DCDC1: variants seen among roughly 807,000 people sequenced by gnomAD.
DCDC1 encodes the protein doublecortin domain containing 1.
Under a neutral mutation model 178.3 loss-of-function variants are expected in DCDC1, and 200 were observed. The ratio of observed to expected loss-of-function variants is 1.12; its 90% CI spans 1.00 to 1.26. DCDC1 has a LOEUF of 1.26. Among genes scored for constraint, DCDC1 ranks in the 50% most tolerant of loss-of-function variants. The pLI is 0.00. For missense variants in DCDC1, 1,983 were observed against 1,749.2 expected, an observed-to-expected ratio of 1.13 and a Z score of -2.38; for synonymous variants, 690 against 604.8, an observed-to-expected ratio of 1.14 and a Z score of -2.07.
intron 20 of DCDC1, chr11:30,992,571 A>G (rs1951048862): frequency 6.6e-6 from 1 of 152,208 alleles, no homozygotes; most frequent in Non-Finnish European, 1.5e-5. Flanking sequence ...TGCCCCCACA[A>G]CCTGGCTTTC....
chr11:31,173,691 C>T (rs1330392463), intron 9 of DCDC1, among the ~76,000 whole-genome samples: 1 of 151,998 alleles, frequency 6.6e-6, no homozygotes, highest in Non-Finnish European at 1.5e-5. Flanking sequence ...TATGAAATTA[C>T]TACAATCAAT....
At chr11:31,133,458 T>A (rs1449528396) in intron 10 of DCDC1, among the ~76,000 whole-genome samples, 1 of 152,184 alleles carries the variant, frequency 6.6e-6, no homozygotes, top group Non-Finnish European at 1.5e-5. Context: ...AAATTAGTAT[T>A]TTAAACTGCC....
chr11:30,904,789 T>A (rs920849410), intron 31 of DCDC1, 172 bp downstream of exon 31: 2 of 743,538 alleles, frequency 2.7e-6, no homozygotes, highest in Admixed American at 2.8e-5. Context: ...TCCACTGACA[T>A]ACAATCAAAT....
intron 20 of DCDC1, among the ~76,000 whole-genome samples, chr11:30,972,960 A>G (rs935991875): frequency 6.6e-6 from 1 of 152,032 alleles, no homozygotes; most frequent in Non-Finnish European, 1.5e-5. Flanking sequence ...AGTTCTCACA[A>G]CATCTGCTTG....
In DCDC1 at chr11:31,170,624, C is replaced by CTTTTGTT. The variant is rs1967088150; in HGVS notation, c.1222-32841_1222-32840insAACAAAA. On this transcript the variant is annotated intron_variant, in intron 9 of 38. Transcript: ENST00000684477. The stretch of plus-strand genomic sequence containing the variant: ...GAGATAAGAACAAAAACAGATTTAC[C>CTTTTGTT]TTTCACACTATGTAATCTGATGTTT... Among the ~76,000 whole-genome samples the CTTTTGTT allele has an allele frequency of 4.6e-5, 7 of 152,144 alleles. No homozygotes were observed. The South Asian group carries it at 1.2e-3, about 27-fold the overall frequency.
At chr11:30,956,404 ACT>A (rs1160702157) in intron 20 of DCDC1, among the ~76,000 whole-genome samples, 2 of 151,880 alleles carry the variant, frequency 1.3e-5, no homozygotes, top group Non-Finnish European at 2.9e-5. Flanking sequence ...AAGTAGGGAA[ACT>A]CTGATTTTTT....
At chr11:31,168,640 C>T (rs746378085) in intron 9 of DCDC1, among the ~76,000 whole-genome samples, 4 of 152,118 alleles carry the variant, frequency 2.6e-5, no homozygotes, top group Non-Finnish European at 4.4e-5. Context: ...GAAAGACTGA[C>T]GGGGTTAGTT....
chr11:30,930,103 T>G (rs1387527212), intron 22 of DCDC1, among the ~76,000 whole-genome samples: 1 of 152,146 alleles, frequency 6.6e-6, no homozygotes, highest in Non-Finnish European at 1.5e-5. Context: ...ACACTCCTTC[T>G]TATAAATAAA....
chr11:30,971,485 C>A (rs1386536586), intron 20 of DCDC1, among the ~76,000 whole-genome samples: 1 of 151,030 alleles, frequency 6.6e-6, no homozygotes, highest in African/African-American at 2.4e-5. Flanking sequence ...TACAAAAGAA[C>A]CAAACAAATC....
At chr11:31,158,670 C>T (rs897113888) in intron 9 of DCDC1, among the ~76,000 whole-genome samples, 6 of 152,076 alleles carry the variant, frequency 3.9e-5, no homozygotes, top group Non-Finnish European at 7.4e-5. Context: ...GAACATGAAA[C>T]ACTGAAATGT....
chr11:31,143,615 T>A (rs1469526780), intron 9 of DCDC1, among the ~76,000 whole-genome samples: 1 of 152,218 alleles, frequency 6.6e-6, no homozygotes, highest in Non-Finnish European at 1.5e-5. Context: ...CAGCTCTGCA[T>A]TGGCTCAATT....
intron 17 of DCDC1, among the ~76,000 whole-genome samples, chr11:31,079,993 G>T (rs1957080759): frequency 6.6e-6 from 1 of 152,120 alleles, no homozygotes; most frequent in African/African-American, 2.4e-5. Context: ...GGGTATAACT[G>T]ACCCCTAAGC....
intron 9 of DCDC1, among the ~76,000 whole-genome samples, chr11:31,221,895 G>C (rs1974321103): frequency 6.6e-6 from 1 of 152,016 alleles, no homozygotes; most frequent in East Asian, 1.9e-4. Context: ...TAAGTAGTCA[G>C]AAGCAATCAA....
At chr11:30,872,445 T>C (rs764220002) in intron 38 of DCDC1, among the ~76,000 whole-genome samples, 2 of 152,156 alleles carry the variant, frequency 1.3e-5, no homozygotes, top group Non-Finnish European at 2.9e-5. Flanking sequence ...TTGGATATAT[T>C]GAGTTGAATA....
intron 7 of DCDC1, among the ~76,000 whole-genome samples, chr11:31,288,257 CT>C (rs987457255): frequency 1.3e-5 from 2 of 151,740 alleles, no homozygotes. Flanking sequence ...TTCTTAATAC[CT>C]TTTTCAAACC....
intron 20 of DCDC1, among the ~76,000 whole-genome samples, chr11:31,038,921 A>C (rs1164042768): frequency 6.6e-6 from 1 of 152,178 alleles, no homozygotes; most frequent in Non-Finnish European, 1.5e-5. Context: ...CAAGTTTAGA[A>C]GGTAAAAGTG....
At chr11:31,040,200 C>T (rs1035826948) in intron 20 of DCDC1, among the ~76,000 whole-genome samples, 4 of 151,986 alleles carry the variant, frequency 2.6e-5, no homozygotes, top group African/African-American at 2.4e-5. Context: ...AAAAAAGCAA[C>T]GGAATATGTT....
intron 24 of DCDC1, among the ~76,000 whole-genome samples, chr11:30,921,872 T>C (rs1322309973): frequency 6.6e-6 from 1 of 152,038 alleles, no homozygotes; most frequent in African/African-American, 2.4e-5. Flanking sequence ...GAGAATCTTT[T>C]TGGGGAGCTT....
intron 3 of DCDC1, among the ~76,000 whole-genome samples, chr11:31,309,603 T>C (rs929717174): frequency 7.2e-5 from 11 of 152,140 alleles, no homozygotes; most frequent in Non-Finnish European, 1.6e-4. Context: ...AAGTTTCCAA[T>C]AAATAGTTAC....
Sources: gnomAD v4.1 joint callset for allele counts (sites outside exome capture counted in the v4.1 genomes callset) on GRCh38, gnomAD v4.1.1 for gene constraint, MANE v1.5 for transcripts, NCBI Gene and HGNC (gene_info 2026-07-23, HGNC 2026-07-21) for gene names.